The following ARFGEF1 variants were observed in gnomAD, a reference collection of about 807,000 sequenced individuals.
The protein encoded by ARFGEF1 is brefeldin A-inhibited guanine nucleotide-exchange protein 1.
In ARFGEF1, 42 loss-of-function variants were observed where a neutral mutation model predicts 231.0. The observed-to-expected ratio is 0.18, with a 90% CI of 0.14 to 0.24. The LOEUF is 0.24. Among genes scored for constraint, ARFGEF1 ranks in the 10% least tolerant of loss-of-function variants. The pLI is 1.00. For synonymous variants in ARFGEF1, 710 were observed against 732.3 expected, an observed-to-expected ratio of 0.97 and a Z score of 0.49; for missense variants, 1,345 against 2,192.0, an observed-to-expected ratio of 0.61 and a Z score of 7.72.
At chr8:67,311,141 C>G in intron 1 of ARFGEF1, among the ~76,000 whole-genome samples, 1 of 149,268 alleles carries the variant, frequency 6.7e-6, no homozygotes, top group Middle Eastern at 3.4e-3. Flanking sequence ...CGGCCAGCTG[C>G]CCCGTCTGGG....
At chr8:67,177,996 A>G (rs1184772703) in intron 5 of ARFGEF1, among the ~76,000 whole-genome samples, 1 of 152,214 alleles carries the variant, frequency 6.6e-6, no homozygotes, top group South Asian at 2.1e-4. Flanking sequence ...TAATCTCTTT[A>G]TGCCTCAGCT....
intron 17 of ARFGEF1, among the ~76,000 whole-genome samples, chr8:67,255,948 A>C (rs1840440027): frequency 6.6e-6 from 1 of 152,256 alleles, no homozygotes; most frequent in Non-Finnish European, 1.5e-5. Flanking sequence ...TATTTCTTCA[A>C]AATAACATGA....
intron 1 of ARFGEF1, among the ~76,000 whole-genome samples, chr8:67,310,902 A>G (rs564586474): frequency 1.4e-5 from 2 of 147,636 alleles, no homozygotes; most frequent in African/African-American, 5.0e-5. Context: ...TCCACCCGGC[A>G]GCCACCCCAT....
intron 1 of ARFGEF1, among the ~76,000 whole-genome samples, chr8:67,314,917 G>A (rs1415699937): frequency 6.6e-6 from 1 of 152,140 alleles, no homozygotes; most frequent in Non-Finnish European, 1.5e-5. Flanking sequence ...GCATGTGCCT[G>A]TAGTGTCAGC....
chr8:67,252,678 A>C (rs1161908503), intron 18 of ARFGEF1, among the ~76,000 whole-genome samples: 1 of 152,148 alleles, frequency 6.6e-6, no homozygotes, highest in Non-Finnish European at 1.5e-5. Flanking sequence ...TTTCAGCTCA[A>C]ATTTAATTAC....
chr8:67,246,700 T>C (rs1423961483), intron 19 of ARFGEF1, among the ~76,000 whole-genome samples: 1 of 149,948 alleles, frequency 6.7e-6, no homozygotes, highest in African/African-American at 2.5e-5. Flanking sequence ...CTTAAAGAAC[T>C]AGAAAAGCAA....
chr8:67,303,105 CAAA>C (rs879885919), intron 1 of ARFGEF1, among the ~76,000 whole-genome samples: 1 of 130,248 alleles, frequency 7.7e-6, no homozygotes. Flanking sequence ...GTCCTCCCAC[CAAA>C]AAAAAAAAAT....
intron 19 of ARFGEF1, among the ~76,000 whole-genome samples, chr8:67,243,718 G>C (rs77403741): frequency 2.0e-5 from 3 of 152,130 alleles, no homozygotes; most frequent in Non-Finnish European, 4.4e-5. Context: ...ATGAACATCT[G>C]TAAGTATCAA....
At chr8:67,222,235 G>GTATA (rs1563846603) in intron 29 of ARFGEF1, among the ~76,000 whole-genome samples, 1 of 126,268 alleles carries the variant, frequency 7.9e-6, no homozygotes. Flanking sequence ...GTATATGTAT[G>GTATA]TATGTATGTA....
In ARFGEF1 at chr8:67,227,524, T is replaced by C. The variant is rs769455842; in HGVS notation, c.3666A>G (p.Leu1222=). The change falls in exon 26 of 39, where the codon TTA becomes TTG. Residue 1222 remains leucine (L), a synonymous_variant. Transcript: ENST00000262215. ...TGAAGTTAGCAAGCTCCCCTTTCTCTAAGAACTTCATTGACAACTGCCTCA... is the reference window on the plus strand; with the variant it reads ...TGAAGTTAGCAAGCTCCCCTTTCTCCAAGAACTTCATTGACAACTGCCTCA... ...DSLRQLSMKF[L]EKGELANFRF... is the part of the protein sequence containing the mutation. The C allele has an allele frequency of 5.6e-6, 9 of 1,613,156 alleles. No homozygotes were observed. The highest frequency in any genetic ancestry group is 7.6e-6 in the Non-Finnish European group (9 of 1,179,294).
At chr8:67,297,731 C>T (rs1464786144) in intron 4 of ARFGEF1, among the ~76,000 whole-genome samples, 1 of 151,768 alleles carries the variant, frequency 6.6e-6, no homozygotes, top group East Asian at 1.9e-4. Context: ...GCAGGGTCAG[C>T]ATTAATGGGC....
chr8:67,289,544 G>A (rs1392956874), intron 6 of ARFGEF1, among the ~76,000 whole-genome samples: 5 of 83,664 alleles, frequency 6.0e-5, no homozygotes, highest in African/African-American at 2.6e-4. Context: ...GCAAGACTCT[G>A]TATCCAAAAA....
downstream of ARFGEF1, chr8:67,175,414 A>G: frequency 6.2e-7 from 1 of 1,614,190 alleles, no homozygotes; most frequent in Non-Finnish European, 8.5e-7. Flanking sequence ...TGAACAGAAT[A>G]AAAATGCAGG....
rs151117792 is a variant in ARFGEF1 at position 67,217,060 on chromosome 8, T to C, written c.4614-398A>G. Among the ~76,000 whole-genome samples the C allele has an allele frequency of 8.0e-3, 1,208 of 151,142 alleles. 11 individuals carry two copies. The highest frequency in any genetic ancestry group is 0.028 in the African/African-American group (1,154 of 41,192). ...TGGCTCACGCCTGTAATCCCAGCAC[T>C]TTGGGAGGCCAAGGTGGGCGGATCA... On this transcript the variant is annotated intron_variant, in intron 32 of 38. Transcript: ENST00000262215.
chr8:67,236,408 A>ATG (rs1410315661), intron 22 of ARFGEF1, among the ~76,000 whole-genome samples: 2 of 105,556 alleles, frequency 1.9e-5, no homozygotes. Flanking sequence ...ATATATATAT[A>ATG]TATGTATCCA....
At chr8:67,235,478 C>G (rs1227000218) in intron 22 of ARFGEF1, among the ~76,000 whole-genome samples, 1 of 152,150 alleles carries the variant, frequency 6.6e-6, no homozygotes, top group African/African-American at 2.4e-5. Context: ...TGAATACTCT[C>G]TGAACATTTA....
chr8:67,269,255 G>C (rs1163106973), intron 10 of ARFGEF1, among the ~76,000 whole-genome samples: 1 of 151,418 alleles, frequency 6.6e-6, no homozygotes, highest in Non-Finnish European at 1.5e-5. Flanking sequence ...AAACTCTGAA[G>C]TGAATATTCT....
In ARFGEF1 at chr8:67,203,109, T is replaced by C; in HGVS notation, c.5102A>G (p.Glu1701Gly). 1 of 1,613,990 alleles carries C rather than the reference T, an allele frequency of 6.2e-7. No individual in the cohort carries two copies. The highest frequency in any genetic ancestry group is 8.5e-7 in the Non-Finnish European group (1 of 1,179,956). ...RFAKAFNSNN[E>G]QRTALWKAGF... ...TGCTTTCCACAGGGCAGTCCTCTGT[T>C]CGTTGTTGGAATTAAACGCTTTTGC... Residue 1701 changes from glutamate to glycine, a missense_variant, in exon 36 of 39, where the codon GAA becomes GGA. Coordinates refer to ENST00000262215, the MANE Select transcript of ARFGEF1 (RefSeq NM_006421.5).
intron 1 of ARFGEF1, among the ~76,000 whole-genome samples, chr8:67,333,929 G>C (rs1587342102): frequency 1.3e-5 from 2 of 152,096 alleles, no homozygotes; most frequent in Admixed American, 6.5e-5. Context: ...CCTGAGGTCA[G>C]AGTTTGAAAC....
Sources: allele counts gnomAD v4.1 joint callset (sites outside exome capture counted in the v4.1 genomes callset), GRCh38; gene constraint gnomAD v4.1.1; transcripts MANE v1.5; gene names NCBI Gene and HGNC (gene_info 2026-07-23, HGNC 2026-07-21).